The following XKR6 variants were observed in gnomAD, a reference collection of about 807,000 sequenced individuals.
The protein encoded by XKR6 is XK related 6, also known as XK-related protein 6.
XKR6 carries 22 observed loss-of-function variants against 56.7 expected under a neutral mutation model. The observed-to-expected ratio is 0.39, with a 90% CI of 0.28 to 0.55. The LOEUF (loss-of-function observed/expected upper bound fraction) is 0.55. Among genes scored for constraint, XKR6 ranks in the 20% least tolerant of loss-of-function variants. The pLI is 0.66. For missense variants in XKR6, 852 were observed against 889.0 expected (o/e 0.96, Z 0.53); for synonymous variants, 524 against 387.8 (o/e 1.35, Z -4.13).
intron 1 of XKR6, among the ~76,000 whole-genome samples, chr8:11,189,919 G>A (rs1803461703): frequency 6.6e-6 from 1 of 152,174 alleles, no homozygotes; most frequent in Non-Finnish European, 1.5e-5. Flanking sequence ...CACTTTGGGA[G>A]GCCAAGGAGG....
At chr8:11,001,935 G>A (rs1266097341) in intron 1 of XKR6, among the ~76,000 whole-genome samples, 2 of 152,120 alleles carry the variant, frequency 1.3e-5, no homozygotes, top group East Asian at 1.9e-4. Flanking sequence ...CATACCCGTT[G>A]CTCCCCACAG....
At chr8:10,940,474 A>G (rs1801353823) in intron 1 of XKR6, among the ~76,000 whole-genome samples, 2 of 152,214 alleles carry the variant, frequency 1.3e-5, no homozygotes, top group Admixed American at 6.5e-5. Context: ...GGCAGAGGCC[A>G]TAGTAGGCCC....
intron 2 of XKR6, among the ~76,000 whole-genome samples, chr8:10,902,145 GCA>G (rs1800053571): frequency 6.6e-6 from 1 of 152,184 alleles, no homozygotes; most frequent in Non-Finnish European, 1.5e-5. Context: ...CAAGGGTACT[GCA>G]CAGACATTCC....
At chr8:11,092,617 C>A (rs796785196) in intron 1 of XKR6, among the ~76,000 whole-genome samples, 52 of 152,252 alleles carry the variant, frequency 3.4e-4, no homozygotes, top group Non-Finnish European at 2.2e-4. Flanking sequence ...TGGCCATGGT[C>A]CTGCCCTGCA....
At chr8:11,056,067 G>C (rs1799676566) in intron 1 of XKR6, among the ~76,000 whole-genome samples, 1 of 152,134 alleles carries the variant, frequency 6.6e-6, no homozygotes, top group African/African-American at 2.4e-5. Flanking sequence ...CCCCCTGCTG[G>C]ATGCCCCATA....
chr8:11,186,857 T>A (rs974928792), intron 1 of XKR6, among the ~76,000 whole-genome samples: 3 of 152,212 alleles, frequency 2.0e-5, no homozygotes, highest in Non-Finnish European at 2.9e-5. Context: ...TTAGAGCTAT[T>A]GAGAAAACAG....
At chr8:11,137,614 T>C (rs1800471556) in intron 1 of XKR6, 1 of 456,014 alleles carries the variant, frequency 2.2e-6, no homozygotes, top group African/African-American at 2.0e-5. Context: ...CTACACCAAA[T>C]GAACTCAGGA....
rs117025116 is a variant in XKR6 at position 11,024,365 on chromosome 8, C to T, written c.765-99535G>A. ...GTTGGGTGACCTGGGACCAACTCCC[C>T]AACCTCCACATCTGTCTCCTTATTA... On this transcript the variant is annotated intron_variant, in intron 1 of 2. Transcript: ENST00000416569. 2.4e-3 allele frequency among the ~76,000 whole-genome samples: 372 copies of T among 152,164 alleles called. 9 individuals are homozygous for T. The East Asian group carries it at 0.054, about 22-fold the overall frequency.
intron 1 of XKR6, among the ~76,000 whole-genome samples, chr8:11,075,690 C>A (rs983754247): frequency 1.3e-5 from 2 of 152,102 alleles, no homozygotes; most frequent in Non-Finnish European, 2.9e-5. Context: ...TGAGACCAGC[C>A]TGGCTAACCC....
chr8:11,083,742 G>A (rs1368931551), intron 1 of XKR6, among the ~76,000 whole-genome samples: 1 of 152,160 alleles, frequency 6.6e-6, no homozygotes, highest in Non-Finnish European at 1.5e-5. Flanking sequence ...ATCAATAAGA[G>A]ATCTGGAAAG....
intron 1 of XKR6, among the ~76,000 whole-genome samples, chr8:10,981,367 C>G (rs1433959924): frequency 6.6e-6 from 1 of 152,054 alleles, no homozygotes; most frequent in East Asian, 1.9e-4. Flanking sequence ...GGAGGCCTCA[C>G]CAGAAGGAAG....
chr8:11,166,414 C>A (rs1563188201), intron 1 of XKR6, among the ~76,000 whole-genome samples: 1 of 151,892 alleles, frequency 6.6e-6, no homozygotes, highest in Admixed American at 6.6e-5. Flanking sequence ...AACCAAACCC[C>A]CAAGAACTGT....
chr8:10,992,777 C>A (rs903914899), intron 1 of XKR6, among the ~76,000 whole-genome samples: 11 of 152,154 alleles, frequency 7.2e-5, no homozygotes, highest in African/African-American at 2.7e-4. Context: ...ACAAGTGATG[C>A]TGCAACTGAC....
intron 1 of XKR6, chr8:11,106,736 G>C (rs906351590): frequency 2.0e-5 from 3 of 151,414 alleles, no homozygotes; most frequent in African/African-American, 4.9e-5. Flanking sequence ...TGTGGTCCCA[G>C]CTACTCAGGA....
chr8:11,002,755 G>A (rs73196883), intron 1 of XKR6, among the ~76,000 whole-genome samples: 12,569 of 152,296 alleles, frequency 0.083, 929 homozygotes, highest in East Asian at 0.31. Flanking sequence ...ACAAGGTGCG[G>A]GCTCAGTGCT....
intron 1 of XKR6, among the ~76,000 whole-genome samples, chr8:10,978,237 T>C (rs1176719370): frequency 1.3e-5 from 2 of 152,242 alleles, no homozygotes; most frequent in African/African-American, 2.4e-5. Flanking sequence ...CTGATATGCA[T>C]ATTTAATGAC....
chr8:10,898,002 G>A lies in XKR6; in HGVS notation c.1876C>T (p.Arg626Ter), dbSNP rs1429331560. The change falls in exon 3 of 3, where the codon CGA becomes TGA. Residue 626 changes from arginine (R) to a stop codon, truncating the protein, a stop_gained. Coordinates refer to ENST00000416569, the MANE Select transcript of XKR6 (RefSeq NM_173683.4). LOFTEE classifies it high-confidence loss of function. This position sits in a 1 kb window ranked among gnomAD's most constrained non-coding sequence, Gnocchi z 6.6. ...AACTCATAGAGGAGTGGTCCGTCTCGATATCGAATGCCTACTGCGGTGGGG... is the reference window on the plus strand; with the variant it reads ...AACTCATAGAGGAGTGGTCCGTCTCAATATCGAATGCCTACTGCGGTGGGG... ...VTPTAVGIRYRDGPLLYELLQ... is the reference protein window; with the variant it reads ...VTPTAVGIRY 3 of 1,610,848 alleles carry A rather than the reference G, an allele frequency of 1.9e-6. No individual in the cohort carries two copies. The highest frequency in any genetic ancestry group is 2.5e-6 in the Non-Finnish European group (3 of 1,178,804).
At chr8:11,156,261 T>C (rs1201218143) in intron 1 of XKR6, among the ~76,000 whole-genome samples, 1 of 152,230 alleles carries the variant, frequency 6.6e-6, no homozygotes, top group African/African-American at 2.4e-5. Flanking sequence ...CTGTTCTGAA[T>C]GCTTTTCCAA....
rs773271358 is a variant in XKR6 at position 11,200,558 on chromosome 8, AC to A, written c.764+17del. ...GGCTCCTCAGGGCCGGCCCGCCCCCACCCCGCAGTGCTCTTACCTCCACACC... is the reference window on the plus strand; with the variant it reads ...GGCTCCTCAGGGCCGGCCCGCCCCCACCCGCAGTGCTCTTACCTCCACACC... On this transcript the variant is annotated intron_variant, in intron 1 of 2. Transcript: ENST00000416569. This position sits in a 1 kb window ranked among gnomAD's most constrained non-coding sequence, Gnocchi z 6.4. The A allele has an allele frequency of 1.0e-5, 15 of 1,435,206 alleles. No individual in the cohort carries two copies. Among genetic ancestry groups the A allele is most frequent in the Middle Eastern group, 2.1e-4 (1 of 4,796 alleles). The allele number at this position is 1,435,206 out of a possible 1,614,324, so 88.9% of individuals were successfully genotyped here. A position where few individuals can be genotyped will look rare whatever the true frequency, so the allele number is the denominator to read the frequency against.
Sources: allele counts gnomAD v4.1 joint callset (sites outside exome capture counted in the v4.1 genomes callset), GRCh38; gene constraint gnomAD v4.1.1; non-coding constraint Gnocchi (gnomAD v3.1); transcripts MANE v1.5; gene names NCBI Gene and HGNC (gene_info 2026-07-23, HGNC 2026-07-21).